The following KAT6A variants were observed in gnomAD, a reference collection of about 807,000 sequenced individuals.
KAT6A encodes the protein lysine acetyltransferase 6A.
KAT6A carries 9 observed loss-of-function variants against 198.4 expected under a neutral mutation model. The observed-to-expected ratio is 0.05, with a 90% CI of 0.03 to 0.08. The LOEUF (loss-of-function observed/expected upper bound fraction) is 0.08. KAT6A is among the 10% of genes least tolerant of loss of function. KAT6A has a pLI of 1.00. For synonymous variants in KAT6A, 890 were observed against 883.0 expected (o/e 1.01, Z -0.14); for missense variants, 2,077 against 2,509.9 (o/e 0.83, Z 3.69).
intron 8 of KAT6A, among the ~76,000 whole-genome samples, chr8:41,965,956 G>A (rs1312243727): frequency 3.9e-5 from 6 of 152,124 alleles, no homozygotes; most frequent in African/African-American, 1.4e-4. Flanking sequence ...CCGCATAGAT[G>A]TATTTTTAGT....
chr8:41,977,249 T>C lies in KAT6A; in HGVS notation c.1122A>G (p.Ser374=). ...RKRKITLSSQ[S]ASSSSEEGYL... is the part of the protein sequence containing the mutation. ...ATCCTTCTTCTGATGATGATGATGC[T>C]GATTGGCTGGAAAGAGTGATTTTTC... The change falls in exon 7 of 17, where the codon TCA becomes TCG. Residue 374 remains serine, a synonymous_variant. Transcript: ENST00000265713. 6.8e-6 allele frequency: 11 copies of C among 1,614,224 alleles called. No individual in the cohort carries two copies. Among genetic ancestry groups the C allele is most frequent in the Non-Finnish European group, 9.3e-6 (11 of 1,180,022 alleles).
chr8:42,010,862 C>A (rs1172830113), intron 2 of KAT6A, among the ~76,000 whole-genome samples: 1 of 152,178 alleles, frequency 6.6e-6, no homozygotes, highest in Non-Finnish European at 1.5e-5. Context: ...CAAAGAAGGT[C>A]CCTTTTCTTC....
chr8:42,038,218 CAAG>C (rs1397350866), intron 2 of KAT6A, among the ~76,000 whole-genome samples: 4 of 152,102 alleles, frequency 2.6e-5, no homozygotes, highest in Admixed American at 2.0e-4. Context: ...TCCCAAAACT[CAAG>C]GAGTACTTTT....
At chr8:42,008,505 G>A (rs1410344467) in intron 2 of KAT6A, among the ~76,000 whole-genome samples, 1 of 151,948 alleles carries the variant, frequency 6.6e-6, no homozygotes, top group Non-Finnish European at 1.5e-5. Context: ...ACCCAGCTAA[G>A]TTTTATATAT....
chr8:41,942,946 C>G lies in KAT6A; in HGVS notation c.2283G>C (p.Gln761His). ...CTACATCTACAGGTCGCAAATTCAGCTGAAGCTTTGCCATGTGATCCTGGA... is the reference window on the plus strand; with the variant it reads ...CTACATCTACAGGTCGCAAATTCAGGTGAAGCTTTGCCATGTGATCCTGGA... ...KLIQDHMAKL[Q>H]LNLRPVDVDP... The change falls in exon 14 of 17, where the codon CAG becomes CAC. Residue 761 changes from glutamine (Q) to histidine (H), a missense_variant. Coordinates refer to ENST00000265713, the MANE Select transcript of KAT6A (RefSeq NM_006766.5). 1 of 1,614,166 alleles carries G rather than the reference C, an allele frequency of 6.2e-7. No individual in the cohort carries two copies. The highest frequency in any genetic ancestry group is 1.7e-4 in the Middle Eastern group (1 of 6,056).
At chr8:41,956,478 A>G (rs1166310486) in intron 8 of KAT6A, among the ~76,000 whole-genome samples, 1 of 152,256 alleles carries the variant, frequency 6.6e-6, no homozygotes, top group African/African-American at 2.4e-5. Flanking sequence ...GAGCATGCAG[A>G]CACACATACA....
chr8:42,014,456 T>G (rs1441666916), intron 2 of KAT6A, among the ~76,000 whole-genome samples: 1 of 152,234 alleles, frequency 6.6e-6, no homozygotes, highest in Non-Finnish European at 1.5e-5. Flanking sequence ...ACCAGTTAAA[T>G]GAACCACATT....
At chr8:41,968,876 C>T (rs550426039) in intron 8 of KAT6A, among the ~76,000 whole-genome samples, 2 of 152,248 alleles carry the variant, frequency 1.3e-5, no homozygotes, top group South Asian at 2.1e-4. Flanking sequence ...AGGCAAACTA[C>T]ATCCATACTT....
intron 2 of KAT6A, among the ~76,000 whole-genome samples, chr8:41,996,228 C>T (rs1400833275): frequency 6.6e-6 from 1 of 152,100 alleles, no homozygotes; most frequent in Non-Finnish European, 1.5e-5. Flanking sequence ...CACTTGTAAA[C>T]TCAAACTCAT....
At chr8:41,993,100 A>C (rs1825021551) in intron 2 of KAT6A, among the ~76,000 whole-genome samples, 1 of 152,118 alleles carries the variant, frequency 6.6e-6, no homozygotes, top group Non-Finnish European at 1.5e-5. Flanking sequence ...TACTGTTAAC[A>C]CTTCTTTTAT....
At chr8:41,997,545 T>C (rs1174291460) in intron 2 of KAT6A, among the ~76,000 whole-genome samples, 1 of 152,218 alleles carries the variant, frequency 6.6e-6, no homozygotes, top group Middle Eastern at 3.2e-3. Flanking sequence ...ACTCACTTTG[T>C]CTTAAGAAAA....
chr8:41,938,317 G>C (rs934231036), intron 15 of KAT6A, among the ~76,000 whole-genome samples: 40 of 152,268 alleles, frequency 2.6e-4, no homozygotes, highest in East Asian at 1.9e-4. Context: ...TTGCATGTGA[G>C]CTTACTGCCT....
chr8:41,951,988 T>C (rs924080481), intron 9 of KAT6A, among the ~76,000 whole-genome samples: 1 of 152,204 alleles, frequency 6.6e-6, no homozygotes, highest in Non-Finnish European at 1.5e-5. Flanking sequence ...TTATACACTG[T>C]ACTGTCTGGG....
chr8:42,040,274 A>G lies in KAT6A; in HGVS notation c.600+8104T>C, dbSNP rs141841929. Among the ~76,000 whole-genome samples the G allele has an allele frequency of 5.9e-5, 9 of 152,326 alleles. No individual in the cohort carries two copies. The East Asian group carries it at 1.7e-3, about 29-fold the overall frequency. On this transcript the variant is annotated intron_variant, in intron 2 of 16. Transcript: ENST00000265713. Reference sequence around the variant, plus strand: ...CTTAGCCTATTGATACAGAGCAAAGAAAAAACGAGGTTAAGACCATTAGAA... The same window carrying G: ...CTTAGCCTATTGATACAGAGCAAAGGAAAAACGAGGTTAAGACCATTAGAA...
intron 9 of KAT6A, among the ~76,000 whole-genome samples, chr8:41,950,633 A>T (rs1269093609): frequency 6.6e-6 from 1 of 151,886 alleles, no homozygotes; most frequent in Admixed American, 6.6e-5. Context: ...AACCTAAAAA[A>T]TTTTGTGCTT....
chr8:42,014,602 G>A (rs1426915683), intron 2 of KAT6A, among the ~76,000 whole-genome samples: 2 of 152,176 alleles, frequency 1.3e-5, no homozygotes, highest in Admixed American at 6.5e-5. Context: ...TCAATAAGGG[G>A]CAGCAGGTTA....
In KAT6A at chr8:41,961,175, C is replaced by A. The variant is rs190445713; in HGVS notation, c.1483-5764G>T. 1.3e-3 allele frequency among the ~76,000 whole-genome samples: 198 copies of A among 152,316 alleles called. 1 individual carries two copies. Among genetic ancestry groups the A allele is most frequent in the African/African-American group, 4.5e-3 (189 of 41,576 alleles). ...CAGCCAATGCTTTTGCTTCCTACTG[C>A]ACTAAACTGGACAAAATCAAAAGAA... On this transcript the variant is annotated intron_variant, in intron 8 of 16. Coordinates refer to ENST00000265713, the MANE Select transcript of KAT6A (RefSeq NM_006766.5).
At chr8:41,938,104 T>G (rs1325795043) in intron 15 of KAT6A, among the ~76,000 whole-genome samples, 4 of 152,202 alleles carry the variant, frequency 2.6e-5, no homozygotes, top group Non-Finnish European at 5.9e-5. Flanking sequence ...AATCTGTTAC[T>G]GAAATTTGGG....
chr8:41,933,674 G>C lies in KAT6A; in HGVS notation c.4546C>G (p.Gln1516Glu). The change falls in exon 17 of 17, where the codon CAA becomes GAA. Residue 1516 changes from glutamine (Q) to glutamate (E), a missense_variant. Coordinates refer to ENST00000265713, the MANE Select transcript of KAT6A (RefSeq NM_006766.5). The surrounding 1 kb of genome is among the most constrained non-coding windows in gnomAD (Gnocchi z 6.2). Reference protein sequence around the residue: ...ESGYTQISPEQGSLSAPSMQN... With the variant: ...ESGYTQISPEEGSLSAPSMQN... The stretch of plus-strand genomic sequence containing the variant: ...ATAGAGGGTGCGGACAGGGATCCTT[G>C]TTCTGGGCTGATCTGGGTGTAGCCA... The C allele has an allele frequency of 1.2e-6, 2 of 1,614,132 alleles. No individual in the cohort carries two copies. Among genetic ancestry groups the C allele is most frequent in the Non-Finnish European group, 1.7e-6 (2 of 1,180,030 alleles).
Sources: gnomAD v4.1 joint callset for allele counts (sites outside exome capture counted in the v4.1 genomes callset) on GRCh38, gnomAD v4.1.1 for gene constraint, Gnocchi (gnomAD v3.1) non-coding constraint, MANE v1.5 for transcripts, NCBI Gene and HGNC (gene_info 2026-07-23, HGNC 2026-07-21) for gene names.